PRKD3: variants seen among roughly 807,000 people sequenced by gnomAD.
PRKD3 encodes the protein serine/threonine-protein kinase D3.
PRKD3 carries 47 observed loss-of-function variants against 99.2 expected under a neutral mutation model. The observed-to-expected ratio is 0.47, with a 90% confidence interval of 0.38 to 0.60. The LOEUF is 0.60. PRKD3 is among the 20% of genes least tolerant of loss of function. The probability of loss-of-function intolerance (pLI) is 0.00; values close to 1 mark genes in which losing one functional copy is unlikely to be tolerated. For synonymous variants in PRKD3, 392 were observed against 355.4 expected (o/e 1.10, Z -1.16); for missense variants, 1,019 against 1,088.4 (o/e 0.94, Z 0.90).
intron 13 of PRKD3, 94 bp downstream of exon 13, chr2:37,269,521 A>G (rs1426310632): frequency 8.8e-7 from 1 of 1,138,792 alleles, no homozygotes; most frequent in African/African-American, 1.5e-5. Flanking sequence ...GGCACTGGAC[A>G]AAACTATGAG....
At chr2:37,317,361 T>C (rs1188615297) in intron 1 of PRKD3, among the ~76,000 whole-genome samples, 182 bp from the exon 2 acceptor site, 1 of 152,180 alleles carries the variant, frequency 6.6e-6, no homozygotes, top group African/African-American at 2.4e-5. Context: ...AAGTATAATT[T>C]CAGGGAGAGG....
intron 7 of PRKD3, among the ~76,000 whole-genome samples, chr2:37,280,599 A>G (rs1398007956): frequency 6.6e-6 from 1 of 152,216 alleles, no homozygotes; most frequent in Non-Finnish European, 1.5e-5. Context: ...CATATAAATC[A>G]TATATAAAAA....
chr2:37,265,265 G>C (rs1259744459), intron 14 of PRKD3, among the ~76,000 whole-genome samples: 18 of 152,138 alleles, frequency 1.2e-4, no homozygotes, highest in Admixed American at 1.2e-3. Flanking sequence ...TAACAGTGTA[G>C]TAGGTTACTT....
chr2:37,283,684 C>G (rs959203674), intron 6 of PRKD3, among the ~76,000 whole-genome samples: 1 of 151,996 alleles, frequency 6.6e-6, no homozygotes, highest in Non-Finnish European at 1.5e-5. Flanking sequence ...ACAAGGTTTC[C>G]ATTTTCCCTT....
intron 2 of PRKD3, among the ~76,000 whole-genome samples, chr2:37,300,508 A>C (rs1328645302): frequency 6.6e-6 from 1 of 152,184 alleles, no homozygotes; most frequent in African/African-American, 2.4e-5. Flanking sequence ...TATATTTCAA[A>C]ATAACTAGAA....
chr2:37,309,230 T>A (rs1458240166), intron 2 of PRKD3, among the ~76,000 whole-genome samples: 2 of 152,238 alleles, frequency 1.3e-5, no homozygotes, highest in Non-Finnish European at 2.9e-5. Flanking sequence ...TAAATATTTT[T>A]AATCTTTTTT....
chr2:37,275,818 GT>G lies in PRKD3; in HGVS notation c.1322del (p.Asp441AlafsTer5). The G allele has an allele frequency of 6.2e-7, 1 of 1,608,368 alleles. No individual in the cohort carries two copies. The highest frequency in any genetic ancestry group is 8.5e-7 in the Non-Finnish European group (1 of 1,177,378). ...TCTGAAATAATGTTAGACATTTGCT[GT>G]CAAGTCTCCAATAATGCCTCTTTCT... ...NLRKRHYWRL[D>X]SKCLTLFQNE... is the part of the protein sequence containing the mutation. On this transcript the variant is annotated frameshift_variant, in exon 10 of 19. Transcript: ENST00000234179. LOFTEE classifies it high-confidence loss of function.
At chr2:37,322,252 AT>A (rs1314630876) in intron 1 of PRKD3, among the ~76,000 whole-genome samples, 1 of 152,218 alleles carries the variant, frequency 6.6e-6, no homozygotes, top group Non-Finnish European at 1.5e-5. Flanking sequence ...TGTATGTTGT[AT>A]TTAAAAACTC....
At position 37,252,936 on chromosome 2, in the gene PRKD3, G is replaced by A. The variant is rs1209093562; in HGVS notation, c.*241C>T. The A allele has an allele frequency of 1.3e-4, 40 of 306,462 alleles. No homozygotes were observed. The allele number at this position is 306,462 out of a possible 1,614,324, so 19.0% of individuals were successfully genotyped here. A position where few individuals can be genotyped will look rare whatever the true frequency, so the allele number is the denominator to read the frequency against. ...AGGATTAAGAAAAAATACAAAACCA[G>A]TTATTGCTTAGGCTAAAAAAGTTTA... On this transcript the variant is annotated 3_prime_UTR_variant, in exon 19 of 19. Transcript: ENST00000234179.
At position 37,252,359 on chromosome 2, in the gene PRKD3, G is replaced by A. The variant is rs1251700066; in HGVS notation, c.*818C>T. The A allele has an allele frequency of 6.6e-6, 1 of 152,204 alleles. No homozygotes were observed. The highest frequency in any genetic ancestry group is 1.5e-5 in the Non-Finnish European group (1 of 68,038). 9.4% of individuals were successfully genotyped at this position (152,204 alleles called of 1,614,324 possible). A position where few individuals can be genotyped will look rare whatever the true frequency, so the allele number is the denominator to read the frequency against. On this transcript the variant is annotated 3_prime_UTR_variant, in exon 19 of 19. Coordinates refer to ENST00000234179, the MANE Select transcript of PRKD3 (RefSeq NM_005813.6). Reference sequence around the variant, plus strand: ...CAGTACTGGCATCAAGATGGTGTCAGTCAGAACATGCATATTTAGCAGCAG... The same window carrying A: ...CAGTACTGGCATCAAGATGGTGTCAATCAGAACATGCATATTTAGCAGCAG...
Position 37,310,099 on chromosome 2 carries a change from T to A in PRKD3, c.288+6138A>T, listed in dbSNP as rs1671357418. Among the ~76,000 whole-genome samples the A allele has an allele frequency of 2.0e-5, 3 of 152,172 alleles. No homozygotes were observed. The South Asian group carries it at 6.2e-4, about 32-fold the overall frequency. On this transcript the variant is annotated intron_variant, in intron 2 of 18. Coordinates refer to ENST00000234179, the MANE Select transcript of PRKD3 (RefSeq NM_005813.6). Reference sequence around the variant, plus strand: ...AGCTGTCTTCTACAGAGAAAACAGATTTTGACATATGTATATATTCTATAA... The same window carrying A: ...AGCTGTCTTCTACAGAGAAAACAGAATTTGACATATGTATATATTCTATAA...
chr2:37,320,964 C>T (rs1380290830), intron 1 of PRKD3, among the ~76,000 whole-genome samples: 2 of 152,162 alleles, frequency 1.3e-5, no homozygotes, highest in East Asian at 3.9e-4. Context: ...TTTTCCCTCT[C>T]CTGGTTTGGT....
At chr2:37,295,334 C>G (rs1036282747) in intron 2 of PRKD3, among the ~76,000 whole-genome samples, 5 of 151,922 alleles carry the variant, frequency 3.3e-5, no homozygotes, top group Admixed American at 3.3e-4. Flanking sequence ...TTAACTGGGA[C>G]AGTGGAGTAG....
chr2:37,295,495 G>A (rs1670637573), intron 2 of PRKD3, among the ~76,000 whole-genome samples: 2 of 152,058 alleles, frequency 1.3e-5, no homozygotes, highest in African/African-American at 4.8e-5. Context: ...GGGGAAAGCT[G>A]GGTAGAGAGA....
In PRKD3 at chr2:37,272,333, C is replaced by G. The variant is rs756988053; in HGVS notation, c.1704+47G>C. 6 of 1,589,408 alleles carry G rather than the reference C, an allele frequency of 3.8e-6. No homozygotes were observed. The Admixed American group carries it at 9.3e-5, about 25-fold the overall frequency. ...ATAAAGATTTTCACCTTTTATTTTCCTTATTTTAATCACCCAGTTTACACA... is the reference window on the plus strand; with the variant it reads ...ATAAAGATTTTCACCTTTTATTTTCGTTATTTTAATCACCCAGTTTACACA... On this transcript the variant is annotated intron_variant, in intron 12 of 18. Coordinates refer to ENST00000234179, the MANE Select transcript of PRKD3 (RefSeq NM_005813.6).
intron 18 of PRKD3, among the ~76,000 whole-genome samples, 183 bp downstream of exon 18, chr2:37,254,021 T>C (rs545351833): frequency 6.6e-6 from 1 of 152,320 alleles, no homozygotes; most frequent in South Asian, 2.1e-4. Flanking sequence ...CATGGGAGTT[T>C]AATTGCCTGT....
At chr2:37,268,546 T>C (rs772379140) in intron 13 of PRKD3, 13 of 290,310 alleles carry the variant, frequency 4.5e-5, no homozygotes, top group East Asian at 1.1e-4. Context: ...CAAAGGGTAA[T>C]AGATATTGTG....
rs1049956651 is a variant in PRKD3, at chr2:37,251,492, T to C, written c.*1685A>G. 1 of 152,580 alleles carries C rather than the reference T, an allele frequency of 6.6e-6. No individual in the cohort carries two copies. The highest frequency in any genetic ancestry group is 1.5e-5 in the Non-Finnish European group (1 of 68,026). The allele number at this position is 152,580 out of a possible 1,614,324, so 9.5% of individuals were successfully genotyped here. A position where few individuals can be genotyped will look rare whatever the true frequency, so the allele number is the denominator to read the frequency against. On this transcript the variant is annotated 3_prime_UTR_variant, in exon 19 of 19. Transcript: ENST00000234179. ...AGGGTAAACTAAAACATAAAAGAAC[T>C]TAGAACACAGGAGTACTGCATACTG...
intron 12 of PRKD3, 46 bp from the exon 13 acceptor site, chr2:37,269,733 C>CT: frequency 7.6e-7 from 1 of 1,309,504 alleles, no homozygotes; most frequent in Non-Finnish European, 1.1e-6. Context: ...TTCTATAATA[C>CT]AATGTCAACA....
Sources: allele counts gnomAD v4.1 joint callset (sites outside exome capture counted in the v4.1 genomes callset), GRCh38; gene constraint gnomAD v4.1.1; transcripts MANE v1.5; gene names NCBI Gene and HGNC (gene_info 2026-07-23, HGNC 2026-07-21).